The following DNTT variants were observed in gnomAD, a reference collection of about 807,000 sequenced individuals.
DNTT encodes the protein DNA nucleotidylexotransferase, also known as nucleosidetriphosphate:DNA deoxynucleotidylexotransferase.
In DNTT, 47 loss-of-function variants were observed where a neutral mutation model predicts 60.9. The observed-to-expected ratio is 0.77, with a 90% CI of 0.61 to 0.98. DNTT has a LOEUF of 0.98. Among genes scored for constraint, DNTT ranks in the 50% least tolerant of loss-of-function variants. The pLI is 0.00. For synonymous variants in DNTT, 224 were observed against 221.2 expected, an observed-to-expected ratio of 1.01 and a Z score of -0.11; for missense variants, 665 against 627.5, an observed-to-expected ratio of 1.06 and a Z score of -0.64.
At chr10:96,311,488 A>C (rs4293066) in intron 1 of DNTT, among the ~76,000 whole-genome samples, 1 of 152,230 alleles carries the variant, frequency 6.6e-6, no homozygotes, top group Non-Finnish European at 1.5e-5. Flanking sequence ...AAGAACAGGG[A>C]AATTATTGCC....
rs1844894632 is a variant in DNTT at position 96,322,694 on chromosome 10, CTG to C, written c.720_721del (p.Leu241LysfsTer2). 2 of 1,601,842 alleles carry C rather than the reference CTG, an allele frequency of 1.2e-6. No individual in the cohort carries two copies. The highest frequency in any genetic ancestry group is 2.7e-5 in the African/African-American group (2 of 74,688). ...GATGGAGAAAGTTCTGAAGTTAAAGCTGTGTTAAATGATGAACGATATCAATC... is the reference window on the plus strand; with the variant it reads ...GATGGAGAAAGTTCTGAAGTTAAAGCTGTTAAATGATGAACGATATCAATC... On this transcript the variant is annotated frameshift_variant, in exon 5 of 11. Coordinates refer to ENST00000371174, the MANE Select transcript of DNTT (RefSeq NM_004088.4). LOFTEE classifies it high-confidence loss of function.
rs943598334 is a variant in DNTT, at chr10:96,332,468, C to T, written c.1231C>T (p.Arg411Cys). ...GTGCTTTCTGATTTTCAAATTGCCTCGTCAAAGAGTGGACAGTGACCAGTC... is the reference window on the plus strand; with the variant it reads ...GTGCTTTCTGATTTTCAAATTGCCTTGTCAAAGAGTGGACAGTGACCAGTC... ...QKCFLIFKLP[R>C]QRVDSDQSSW... Residue 411 changes from arginine to cysteine, a missense_variant, in exon 9 of 11, where the codon CGT (arginine) becomes TGT (cysteine). Coordinates refer to ENST00000371174, the MANE Select transcript of DNTT (RefSeq NM_004088.4). 17 of 1,614,036 alleles carry T rather than the reference C, an allele frequency of 1.1e-5. No homozygotes were observed. The highest frequency in any genetic ancestry group is 3.3e-4 in the Middle Eastern group (2 of 6,084).
chr10:96,313,610 C>G (rs1024106993), intron 1 of DNTT, among the ~76,000 whole-genome samples: 5 of 152,172 alleles, frequency 3.3e-5, no homozygotes, highest in Non-Finnish European at 7.3e-5. Flanking sequence ...GCCTACTGTG[C>G]TAGGCTGTTG....
At chr10:96,306,107 T>TG (rs1844632718) in intron 1 of DNTT, among the ~76,000 whole-genome samples, 2 of 150,150 alleles carry the variant, frequency 1.3e-5, no homozygotes, top group Non-Finnish European at 3.0e-5. Flanking sequence ...TTTTTTTTTT[T>TG]TTTTGAGACA....
At chr10:96,318,562 C>T (rs753370400) in intron 2 of DNTT, 36 bp downstream of exon 2, 2 of 1,602,844 alleles carry the variant, frequency 1.2e-6, no homozygotes, top group Admixed American at 3.4e-5. Context: ...CTGTTCTTTG[C>T]TTGATGGTTA....
rs142389547 is a variant in DNTT at position 96,332,529 on chromosome 10, G to T, written c.1292G>T (p.Arg431Leu). 6.2e-7 allele frequency: 1 copy of T among 1,614,200 alleles called. No homozygotes were observed. Among genetic ancestry groups the T allele is most frequent in the Non-Finnish European group, 8.5e-7 (1 of 1,180,016 alleles). Reference protein sequence around the residue: ...WQEGKTWKAIRVDLVLCPYER... With the variant: ...WQEGKTWKAILVDLVLCPYER... ...GAAGGAAAGACCTGGAAGGCCATCC[G>T]TGTGGATTTAGTTCTGTGCCCCTAC... The change falls in exon 9 of 11, where the codon CGT becomes CTT. Residue 431 changes from arginine (R) to leucine (L), a missense_variant. By Grantham distance (102) the Arg-to-Leu change is moderately radical (BLOSUM62 -2). Coordinates refer to ENST00000371174, the MANE Select transcript of DNTT (RefSeq NM_004088.4).
rs923581181 is a variant in DNTT at position 96,336,414 on chromosome 10, C to G, written c.1443+440C>G. Among the ~76,000 whole-genome samples, 3 of 152,182 alleles carry G rather than the reference C, an allele frequency of 2.0e-5. No homozygotes were observed. The South Asian group carries it at 6.2e-4, about 32-fold the overall frequency. On this transcript the variant is annotated intron_variant, in intron 10 of 10. Transcript: ENST00000371174. ...TGCAAGAAAGAGAGCAACAGAGCTGCCCTGAGACATAAATGAGCATCCAGC... is the reference window on the plus strand; with the variant it reads ...TGCAAGAAAGAGAGCAACAGAGCTGGCCTGAGACATAAATGAGCATCCAGC...
chr10:96,318,238 G>T (rs1844812862), intron 1 of DNTT, 114 bp from the exon 2 acceptor site: 1 of 1,252,026 alleles, frequency 8.0e-7, no homozygotes, highest in Non-Finnish European at 1.1e-6. Flanking sequence ...CCTATGGTTA[G>T]GTCTAGCATG....
At chr10:96,317,659 G>A (rs1210308115) in intron 1 of DNTT, among the ~76,000 whole-genome samples, 1 of 152,132 alleles carries the variant, frequency 6.6e-6, no homozygotes, top group Non-Finnish European at 1.5e-5. Flanking sequence ...TTAAAAAAGA[G>A]GCCCGAGAGA....
chr10:96,324,213 A>G lies in DNTT; in HGVS notation c.751-53A>G. ...AGACCTAGAAAGGGTCATGACTCGG[A>G]TGTTATAATGATTATCTTAGAGACT... On this transcript the variant is annotated intron_variant, in intron 5 of 10. Transcript: ENST00000371174. The G allele has an allele frequency of 2.5e-6, 4 of 1,575,256 alleles. No homozygotes were observed. The East Asian group carries it at 9.1e-5, about 36-fold the overall frequency.
At chr10:96,324,784 G>A (rs558101435) in intron 6 of DNTT, among the ~76,000 whole-genome samples, 1 of 152,280 alleles carries the variant, frequency 6.6e-6, no homozygotes, top group African/African-American at 2.4e-5. Context: ...CCGGACATTG[G>A]GTCCTGGCTG....
At chr10:96,312,158 T>G (rs1844727592) in intron 1 of DNTT, among the ~76,000 whole-genome samples, 1 of 152,200 alleles carries the variant, frequency 6.6e-6, no homozygotes, top group Non-Finnish European at 1.5e-5. Flanking sequence ...AAAACACAGC[T>G]GTCATTGAGG....
rs114885390 is a variant in DNTT, at chr10:96,331,005, T to A, written c.1114-1346T>A. On this transcript the variant is annotated intron_variant, in intron 8 of 10. Coordinates refer to ENST00000371174, the MANE Select transcript of DNTT (RefSeq NM_004088.4). ...TAGTGGTTGCTAGCATGTTTCTCTC[T>A]CCTGTCCCCACATCTGCCCTGTGCC... is the stretch of plus-strand genomic sequence containing the variant. Among the ~76,000 whole-genome samples the A allele has an allele frequency of 5.8e-3, 877 of 152,270 alleles. 5 individuals are homozygous for A. The highest frequency in any genetic ancestry group is 0.02 in the African/African-American group (824 of 41,552).
intron 1 of DNTT, among the ~76,000 whole-genome samples, chr10:96,313,410 A>T (rs1320368642): frequency 6.6e-6 from 1 of 152,224 alleles, no homozygotes; most frequent in African/African-American, 2.4e-5. Context: ...AAAAGTGACC[A>T]TAGATAGTTC....
At chr10:96,310,637 C>T (rs1844704496) in intron 1 of DNTT, among the ~76,000 whole-genome samples, 1 of 152,186 alleles carries the variant, frequency 6.6e-6, no homozygotes, top group Non-Finnish European at 1.5e-5. Flanking sequence ...CCAGCTTTTC[C>T]TTTTGATGAG....
rs143656877 is a variant in DNTT, at chr10:96,310,526, C to A, written c.203+5826C>A. 6.6e-5 allele frequency among the ~76,000 whole-genome samples: 10 copies of A among 152,308 alleles called. No individual in the cohort carries two copies. In the East Asian group the frequency reaches 1.7e-3, roughly 26 times the overall value. ...TCCCTACCACCTTGAGTGCCTTCTC[C>A]CTTTACCTCTCTGCTTCCCAGACCT... On this transcript the variant is annotated intron_variant, in intron 1 of 10. Transcript: ENST00000371174.
chr10:96,330,485 A>T (rs1313462470), intron 8 of DNTT, among the ~76,000 whole-genome samples: 8 of 152,070 alleles, frequency 5.3e-5, no homozygotes, highest in Non-Finnish European at 1.5e-5. Flanking sequence ...GTGGAATTGT[A>T]TTTTCCGGAG....
chr10:96,308,556 TTC>T (rs1186567635), intron 1 of DNTT, among the ~76,000 whole-genome samples: 1 of 152,216 alleles, frequency 6.6e-6, no homozygotes, highest in Non-Finnish European at 1.5e-5. Context: ...TAAAATTTCA[TTC>T]TGTTATCAAC....
intron 5 of DNTT, 28 bp from the exon 6 acceptor site, chr10:96,324,238 T>C: frequency 8.7e-6 from 14 of 1,605,830 alleles, no homozygotes; most frequent in Non-Finnish European, 1.2e-5. Context: ...TCTTAGAGAC[T>C]GATGGCATGC....
Sources: gnomAD v4.1 joint callset for allele counts (sites outside exome capture counted in the v4.1 genomes callset) on GRCh38, gnomAD v4.1.1 for gene constraint, MANE v1.5 for transcripts, NCBI Gene and HGNC (gene_info 2026-07-23, HGNC 2026-07-21) for gene names.